The following NBEA variants were observed in gnomAD, a reference collection of about 807,000 sequenced individuals.
NBEA encodes the protein lysosomal-trafficking regulator 2.
A neutral mutation model predicts 343.4 loss-of-function variants in NBEA; 44 were observed. The ratio of observed to expected loss-of-function variants is 0.13; its 90% CI spans 0.10 to 0.16. The LOEUF (loss-of-function observed/expected upper bound fraction) is 0.16, where lower values mean the gene tolerates loss of function less well. Ranked by LOEUF, NBEA falls within the 10% of genes least tolerant of loss-of-function variation. The pLI is 1.00. For synonymous variants in NBEA, 1,175 were observed against 1,238.7 expected (o/e 0.95, Z 1.08); for missense variants, 2,555 against 3,631.3 (o/e 0.70, Z 7.62).
Position 35,118,470 on chromosome 13 carries a change from A to G in NBEA, c.2239A>G (p.Ile747Val). The change falls in exon 16 of 59, where the codon ATA becomes GTA. Residue 747 changes from isoleucine (I) to valine (V), a missense_variant. This residue lies in a region of NBEA where 360 missense variants were observed against 519.1 expected (regional missense o/e 0.69). Coordinates refer to ENST00000379939, the MANE Select transcript of NBEA (RefSeq NM_001385012.1). ...MIPAFDQRNGIRVIYKLLASK... is the reference protein window; with the variant it reads ...MIPAFDQRNGVRVIYKLLASK... ...ACCAGCATTTGATCAAAGAAATGGA[A>G]TAAGGTATGATTATAATATTAGTAT... 2 of 1,586,654 alleles carry G rather than the reference A, an allele frequency of 1.3e-6. No homozygotes were observed. The highest frequency in any genetic ancestry group is 1.7e-6 in the Non-Finnish European group (2 of 1,164,372).
intron 41 of NBEA, among the ~76,000 whole-genome samples, chr13:35,499,969 A>T (rs1262224543): frequency 1.3e-5 from 2 of 152,114 alleles, no homozygotes; most frequent in African/African-American, 4.8e-5. Flanking sequence ...CTGAATGCAC[A>T]GTCTCATTCT....
intron 18 of NBEA, among the ~76,000 whole-genome samples, chr13:35,146,446 T>C (rs2068430796): frequency 6.6e-6 from 1 of 152,154 alleles, no homozygotes; most frequent in African/African-American, 2.4e-5. Context: ...GTGAGGACCA[T>C]GCTTTTGTGG....
chr13:35,159,979 G>T lies in NBEA; in HGVS notation c.3808G>T (p.Gly1270Cys). Residue 1270 changes from glycine (G) to cysteine (C), a missense_variant, in exon 22 of 59, where the codon GGC becomes TGC. Gly to Cys is a radical substitution (Grantham distance 159). Coordinates refer to ENST00000379939, the MANE Select transcript of NBEA (RefSeq NM_001385012.1). The stretch of plus-strand genomic sequence containing the variant: ...TTCAGATACTGAAAGGTCTGACGAT[G>T]GCAAAGAATCAGGAAAAGAAATCCG... Reference protein sequence around the residue: ...IISDTERSDDGKESGKEIRKI... With the variant: ...IISDTERSDDCKESGKEIRKI... 6.3e-7 allele frequency: 1 copy of T among 1,593,942 alleles called. No individual in the cohort carries two copies. The highest frequency in any genetic ancestry group is 1.1e-5 in the South Asian group (1 of 87,148).
At chr13:35,638,740 C>T (rs778634787) in intron 49 of NBEA, among the ~76,000 whole-genome samples, 2 of 152,196 alleles carry the variant, frequency 1.3e-5, no homozygotes, top group Non-Finnish European at 2.9e-5. Flanking sequence ...TTGACTTATA[C>T]TTATTTTAAG....
At chr13:35,200,667 C>CT in intron 31 of NBEA, among the ~76,000 whole-genome samples, 1 of 151,952 alleles carries the variant, frequency 6.6e-6, no homozygotes, top group South Asian at 2.1e-4. Context: ...TTCAGGGAAA[C>CT]TAGTAGGTAT....
rs754993135 is a variant in NBEA, at chr13:35,232,629, C to A, written c.5776+10C>A. The A allele has an allele frequency of 1.4e-6, 2 of 1,467,656 alleles. No individual in the cohort carries two copies. Among genetic ancestry groups the A allele is most frequent in the Non-Finnish European group, 1.8e-6 (2 of 1,096,272 alleles). The allele number at this position is 1,467,656 out of a possible 1,614,324, so 90.9% of individuals were successfully genotyped here. ...GAGCTATTGATAGAAGGTATGATTT[C>A]TCTATTATAATTATTTTAGTTTCCT... On this transcript the variant is annotated intron_variant, in intron 34 of 58. Coordinates refer to ENST00000379939, the MANE Select transcript of NBEA (RefSeq NM_001385012.1).
At chr13:35,133,587 A>C (rs548073946) in intron 17 of NBEA, among the ~76,000 whole-genome samples, 18 of 152,134 alleles carry the variant, frequency 1.2e-4, no homozygotes, top group Admixed American at 2.0e-4. Flanking sequence ...ACAGATAAAT[A>C]AACTAAGGTA....
chr13:35,377,145 A>C (rs541411661), intron 38 of NBEA, among the ~76,000 whole-genome samples: 1 of 152,308 alleles, frequency 6.6e-6, no homozygotes, highest in Non-Finnish European at 1.5e-5. Flanking sequence ...AAAAAAGTGA[A>C]GAGAAGAAAC....
intron 44 of NBEA, among the ~76,000 whole-genome samples, chr13:35,557,999 G>A (rs12430322): frequency 1.3e-5 from 2 of 152,092 alleles, no homozygotes; most frequent in Non-Finnish European, 2.9e-5. Flanking sequence ...TCAGTATAGT[G>A]TTAGAGTAGA....
chr13:35,628,340 C>T, intron 49 of NBEA, 92 bp downstream of exon 49: 1 of 999,702 alleles, frequency 1.0e-6, no homozygotes, highest in Non-Finnish European at 1.4e-6. Context: ...ATTTTGTTTT[C>T]AACATAACTT....
chr13:35,649,769 C>T lies in NBEA; in HGVS notation c.7885C>T (p.Pro2629Ser). ...AACCCATGTGGCAGCCAACACTCTG[C>T]CCCACTTGACCATCCCCGCAGTGGT... ...PVTHVAANTL[P>S]HLTIPAVVTV... is the part of the protein sequence containing the mutation. The change falls in exon 52 of 59, where the codon CCC becomes TCC. Residue 2629 changes from proline to serine, a missense_variant. Around this residue, in one of 21 missense-constraint regions of NBEA, gnomAD observed 61 missense variants for 132.1 expected, o/e 0.46. Coordinates refer to ENST00000379939, the MANE Select transcript of NBEA (RefSeq NM_001385012.1). 1 of 1,614,040 alleles carries T rather than the reference C, an allele frequency of 6.2e-7. No homozygotes were observed. Among genetic ancestry groups the T allele is most frequent in the Non-Finnish European group, 8.5e-7 (1 of 1,179,896 alleles).
At chr13:35,427,048 A>T (rs968680689) in intron 38 of NBEA, among the ~76,000 whole-genome samples, 3 of 151,930 alleles carry the variant, frequency 2.0e-5, no homozygotes, top group Admixed American at 1.3e-4. Flanking sequence ...TTTTTTTTCA[A>T]AGTCTTTAAC....
At chr13:35,444,110 A>G (rs2045873808) in intron 39 of NBEA, among the ~76,000 whole-genome samples, 1 of 151,948 alleles carries the variant, frequency 6.6e-6, no homozygotes, top group African/African-American at 2.4e-5. Flanking sequence ...TAAGCATAAA[A>G]TGTTTTCGAA....
chr13:34,948,871 T>C (rs2059267423), intron 1 of NBEA, among the ~76,000 whole-genome samples: 1 of 152,102 alleles, frequency 6.6e-6, no homozygotes, highest in African/African-American at 2.4e-5. Context: ...TTAGCATGCT[T>C]GAAAGCAAAG....
intron 30 of NBEA, among the ~76,000 whole-genome samples, chr13:35,191,339 A>G (rs749253961): frequency 5.9e-5 from 9 of 152,144 alleles, no homozygotes; most frequent in Non-Finnish European, 8.8e-5. Context: ...AGAGACCCAC[A>G]TGTTGACACA....
chr13:35,589,918 A>G (rs1593304793), intron 46 of NBEA, among the ~76,000 whole-genome samples: 1 of 152,198 alleles, frequency 6.6e-6, no homozygotes, highest in African/African-American at 2.4e-5. Context: ...ATATTGCAGG[A>G]CCTAACCTGA....
At chr13:35,232,776 AT>A (rs966327144) in intron 34 of NBEA, among the ~76,000 whole-genome samples, 157 bp downstream of exon 34, 1 of 151,926 alleles carries the variant, frequency 6.6e-6, no homozygotes, top group East Asian at 1.9e-4. Context: ...CTCTTCACTC[AT>A]TTTTTTTAAA....
intron 38 of NBEA, among the ~76,000 whole-genome samples, chr13:35,354,370 G>T (rs2040375609): frequency 6.6e-6 from 1 of 152,164 alleles, no homozygotes; most frequent in South Asian, 2.1e-4. Flanking sequence ...TGCCTTAGCT[G>T]TATAAAGCAG....
In NBEA at chr13:35,550,986, T is replaced by C. The variant is rs2079293842; in HGVS notation, c.6760T>C (p.Leu2254=). 2.5e-6 allele frequency: 4 copies of C among 1,611,516 alleles called. No homozygotes were observed. The highest frequency in any genetic ancestry group is 3.4e-6 in the Non-Finnish European group (4 of 1,177,980). Residue 2254 remains leucine, a synonymous_variant, in exon 43 of 59, where the codon TTG becomes CTG. Coordinates refer to ENST00000379939, the MANE Select transcript of NBEA (RefSeq NM_001385012.1). ...QATVKKVVYS[L]PRVGVGTSYG... is the part of the protein sequence containing the mutation. ...AACAGTAAAAAAAGTTGTCTATAGCTTGCCTCGGGTTGGAGTAGGGACCAG... is the reference window on the plus strand; with the variant it reads ...AACAGTAAAAAAAGTTGTCTATAGCCTGCCTCGGGTTGGAGTAGGGACCAG...
Sources: gnomAD v4.1 joint callset for allele counts (sites outside exome capture counted in the v4.1 genomes callset) on GRCh38, gnomAD v4.1.1 for gene constraint, gnomAD v4.1.1 regional missense constraint, MANE v1.5 for transcripts, NCBI Gene and HGNC (gene_info 2026-07-23, HGNC 2026-07-21) for gene names.